Variants in UTP25 observed in about 807,000 individuals in gnomAD.
UTP25 encodes UTP25 small subunit processome component, also known as U3 small nucleolar RNA-associated protein 25 homolog.
A neutral mutation model predicts 78.9 loss-of-function variants in UTP25; 50 were observed. The observed-to-expected ratio is 0.63, with a 90% confidence interval of 0.50 to 0.80. UTP25 has a LOEUF of 0.80. Ranked by LOEUF, UTP25 falls within the 30% of genes least tolerant of loss-of-function variation. UTP25 has a pLI of 0.00. For missense variants in UTP25, 846 were observed against 911.3 expected (o/e 0.93, Z 0.92); for synonymous variants, 329 against 336.5 (o/e 0.98, Z 0.24).
rs747491039 is a variant in UTP25, at chr1:209,837,132, A to G, written c.983A>G (p.Asn328Ser). The stretch of plus-strand genomic sequence containing the variant: ...AAAGCCAATGCCCAGGTGCTTGGCA[A>G]CAATAGCAGACGCCGAAGCCAGAAG... Reference protein sequence around the residue: ...ILKANAQVLGNNSRRRSQKFG... With the variant: ...ILKANAQVLGSNSRRRSQKFG... Residue 328 changes from asparagine to serine, a missense_variant, in exon 6 of 12, where the codon AAC (asparagine) becomes AGC (serine). Asn to Ser is a conservative substitution (Grantham distance 46). Coordinates refer to ENST00000491415, the MANE Select transcript of UTP25 (RefSeq NM_014388.7). 8.1e-6 allele frequency: 13 copies of G among 1,614,166 alleles called. No homozygotes were observed. Among genetic ancestry groups the G allele is most frequent in the Non-Finnish European group, 1.1e-5 (13 of 1,180,012 alleles).
chr1:209,851,284 T>G lies in UTP25; in HGVS notation c.2108T>G (p.Met703Arg). 1 of 1,614,224 alleles carries G rather than the reference T, an allele frequency of 6.2e-7. No individual in the cohort carries two copies. Among genetic ancestry groups the G allele is most frequent in the Non-Finnish European group, 8.5e-7 (1 of 1,180,032 alleles). ...YPHFYSEICN[M>R]LRATNRGEEA... ...CACTTTTACAGTGAAATCTGTAATA[T>G]GCTGAGAGCCACCAACAGAGGAGAA... is the stretch of plus-strand genomic sequence containing the variant. The change falls in exon 12 of 12, where the codon ATG becomes AGG. Residue 703 changes from methionine (M) to arginine (R), a missense_variant. Physicochemically the swap from Met to Arg is moderately conservative, Grantham distance 91. Coordinates refer to ENST00000491415, the MANE Select transcript of UTP25 (RefSeq NM_014388.7).
intron 11 of UTP25, among the ~76,000 whole-genome samples, chr1:209,849,281 T>C (rs2078216229): frequency 6.6e-6 from 1 of 152,130 alleles, no homozygotes; most frequent in Admixed American, 6.5e-5. Context: ...TGTGGTGAAG[T>C]GTATACAGCT....
intron 10 of UTP25, 155 bp downstream of exon 10, chr1:209,842,850 A>G: frequency 1.6e-6 from 1 of 626,472 alleles, no homozygotes; most frequent in South Asian, 1.9e-5. Context: ...AGAGGAGGAA[A>G]CTGAAGCACA....
intron 6 of UTP25, among the ~76,000 whole-genome samples, chr1:209,837,733 T>C (rs544688347): frequency 6.6e-6 from 1 of 152,358 alleles, no homozygotes; most frequent in Non-Finnish European, 1.5e-5. Context: ...TGTAAAGTTA[T>C]TGCTGCTTAA....
chr1:209,832,575 A>G (rs1398090577), intron 3 of UTP25, among the ~76,000 whole-genome samples: 2 of 152,246 alleles, frequency 1.3e-5, no homozygotes, highest in Non-Finnish European at 2.9e-5. Context: ...CCAGAGAAAC[A>G]GAACCGGTAG....
intron 11 of UTP25, among the ~76,000 whole-genome samples, chr1:209,847,285 T>G (rs1344336740): frequency 6.6e-6 from 1 of 152,234 alleles, no homozygotes; most frequent in African/African-American, 2.4e-5. Flanking sequence ...GTTAAGAGAC[T>G]AACAATAAAC....
rs2078265045 is a variant in UTP25 at position 209,854,989 on chromosome 1, A to AG, written c.*3543dup. The AG allele has an allele frequency of 6.6e-6, 1 of 152,216 alleles. No homozygotes were observed. Among genetic ancestry groups the AG allele is most frequent in the Non-Finnish European group, 1.5e-5 (1 of 68,040 alleles). The allele number at this position is 152,216 out of a possible 1,614,324, so 9.4% of individuals were successfully genotyped here. On this transcript the variant is annotated 3_prime_UTR_variant, in exon 12 of 12. Transcript: ENST00000491415. Reference sequence around the variant, plus strand: ...TTTCTACTCCACACTTATTTTAAAAAGCTTTTCTGAAAGCCTGGCTACATA... The same window carrying AG: ...TTTCTACTCCACACTTATTTTAAAAAGGCTTTTCTGAAAGCCTGGCTACATA...
rs201815852 is a variant in UTP25, at chr1:209,837,218, C to T, written c.1062+7C>T. 5 of 1,609,224 alleles carry T rather than the reference C, an allele frequency of 3.1e-6. No individual in the cohort carries two copies. The highest frequency in any genetic ancestry group is 1.7e-4 in the Middle Eastern group (1 of 5,952). ...AGGGTTAACAAGGCCCAAGGTGAGT[C>T]CAGCAGGAAAGCTTTGCTCTCGAGG... On this transcript the variant is annotated splice_region_variant and intron_variant, in intron 6 of 11. Transcript: ENST00000491415.
intron 11 of UTP25, among the ~76,000 whole-genome samples, chr1:209,846,512 C>T (rs2078197528): frequency 6.6e-6 from 1 of 152,142 alleles, no homozygotes; most frequent in African/African-American, 2.4e-5. Context: ...ACAGGAGAAT[C>T]CCAGTTCTAG....
chr1:209,837,319 TAATG>T, intron 6 of UTP25, 108 bp downstream of exon 6: 3 of 1,299,964 alleles, frequency 2.3e-6, no homozygotes, highest in Non-Finnish European at 3.1e-6. Context: ...TTGACTGGCA[TAATG>T]AATGAGCCCA....
chr1:209,848,155 AT>A lies in UTP25; in HGVS notation c.2028-3047del, dbSNP rs2078209031. 4.6e-5 allele frequency among the ~76,000 whole-genome samples: 7 copies of A among 152,354 alleles called. No homozygotes were observed. The South Asian group carries it at 1.4e-3, about 32-fold the overall frequency. On this transcript the variant is annotated intron_variant, in intron 11 of 11. Coordinates refer to ENST00000491415, the MANE Select transcript of UTP25 (RefSeq NM_014388.7). ...TCTGGGATGGGGACCAAACCTAAGTATTAATAAAAAAAATAAAAAAACAACC... is the reference window on the plus strand; with the variant it reads ...TCTGGGATGGGGACCAAACCTAAGTATAATAAAAAAAATAAAAAAACAACC...
In UTP25 at chr1:209,827,982, A is replaced by G; in HGVS notation, c.-82A>G. On this transcript the variant is annotated 5_prime_UTR_variant, in exon 1 of 12. Coordinates refer to ENST00000491415, the MANE Select transcript of UTP25 (RefSeq NM_014388.7). The stretch of plus-strand genomic sequence containing the variant: ...CTTTCGCCGTAAAGCGCAGTCAGCG[A>G]GCCCACGTGCTTGTGTTGACTGGAC... 9.4e-7 allele frequency: 1 copy of G among 1,066,566 alleles called. No homozygotes were observed. The highest frequency in any genetic ancestry group is 1.5e-6 in the Non-Finnish European group (1 of 682,872). The allele number at this position is 1,066,566 out of a possible 1,614,324, so 66.1% of individuals were successfully genotyped here.
Position 209,832,703 on chromosome 1 carries a change from C to T in UTP25, c.389-482C>T, listed in dbSNP as rs182345397. Reference sequence around the variant, plus strand: ...TTTGAGACCAGCCTGGCCAACATGGCGAAACCCCATCTCTACAGAAAAATA... The same window carrying T: ...TTTGAGACCAGCCTGGCCAACATGGTGAAACCCCATCTCTACAGAAAAATA... On this transcript the variant is annotated intron_variant, in intron 3 of 11. Transcript: ENST00000491415. Among the ~76,000 whole-genome samples the T allele has an allele frequency of 2.1e-4, 32 of 152,156 alleles. No individual in the cohort carries two copies. The East Asian group carries it at 5.4e-3, about 26-fold the overall frequency.
At chr1:209,843,800 C>A in intron 11 of UTP25, 104 bp downstream of exon 11, 1 of 1,433,546 alleles carries the variant, frequency 7.0e-7, no homozygotes, top group Non-Finnish European at 9.4e-7. Context: ...TGAGATCATC[C>A]CTCACTCTCG....
At position 209,851,218 on chromosome 1, in the gene UTP25, G is replaced by A. The variant is rs1029018334; in HGVS notation, c.2042G>A (p.Gly681Asp). 2 of 1,613,078 alleles carry A rather than the reference G, an allele frequency of 1.2e-6. No individual in the cohort carries two copies. The highest frequency in any genetic ancestry group is 1.3e-5 in the African/African-American group (1 of 74,930). The change falls in exon 12 of 12, where the codon GGC (glycine) becomes GAC (aspartate). Residue 681 changes from glycine to aspartate, a missense_variant. By Grantham distance (94) the Gly-to-Asp change is moderately conservative. Coordinates refer to ENST00000491415, the MANE Select transcript of UTP25 (RefSeq NM_014388.7). ...AATTCTGACAGGTATACAATAAAAG[G>A]CATCAGGAACCTGATTTTCTATGAA... ...FHFYKRYTIKGIRNLIFYELP... is the reference protein window; with the variant it reads ...FHFYKRYTIKDIRNLIFYELP...
At chr1:209,843,921 C>T in intron 11 of UTP25, 1 of 577,734 alleles carries the variant, frequency 1.7e-6, no homozygotes. Context: ...GAAACCAAAG[C>T]ATACCCTGTC....
Position 209,841,000 on chromosome 1 carries a change from T to G in UTP25, c.1430T>G (p.Leu477Arg). Residue 477 changes from leucine to arginine, a missense_variant, in exon 8 of 12, where the codon CTT becomes CGT. Physicochemically the swap from Leu to Arg is moderately radical, Grantham distance 102. Coordinates refer to ENST00000491415, the MANE Select transcript of UTP25 (RefSeq NM_014388.7). ...RDFDFLSSIE[L>R]LIIDQADIYL... ...TTTGACTTTCTGTCTTCTATCGAGC[T>G]TCTCATCATTGATCAAGCTGACATT... 4 of 1,614,080 alleles carry G rather than the reference T, an allele frequency of 2.5e-6. No individual in the cohort carries two copies. The highest frequency in any genetic ancestry group is 3.4e-6 in the Non-Finnish European group (4 of 1,179,948).
In UTP25 at chr1:209,853,370, T is replaced by TG. The variant is rs1245173409; in HGVS notation, c.*1923_*1924insG. 2 of 152,134 alleles carry TG rather than the reference T, an allele frequency of 1.3e-5. No homozygotes were observed. The highest frequency in any genetic ancestry group is 4.8e-5 in the African/African-American group (2 of 41,400). 9.4% of individuals were successfully genotyped at this position (152,134 alleles called of 1,614,324 possible). A position where few individuals can be genotyped will look rare whatever the true frequency, so the allele number is the denominator to read the frequency against. ...GTAATTACCTGGATCTTTTTTTTTT[T>TG]TTTTGAGATGGAGTCTCGCTCTGTT... is the stretch of plus-strand genomic sequence containing the variant. On this transcript the variant is annotated 3_prime_UTR_variant, in exon 12 of 12. Coordinates refer to ENST00000491415, the MANE Select transcript of UTP25 (RefSeq NM_014388.7).
intron 6 of UTP25, 198 bp from the exon 7 acceptor site, chr1:209,838,711 A>G (rs2078148627): frequency 1.1e-5 from 7 of 626,158 alleles, no homozygotes; most frequent in Admixed American, 5.4e-5. Flanking sequence ...TCCGCAGGTC[A>G]TGGTGCTGGG....
Sources: allele counts gnomAD v4.1 joint callset (sites outside exome capture counted in the v4.1 genomes callset), GRCh38; gene constraint gnomAD v4.1.1; transcripts MANE v1.5; gene names NCBI Gene and HGNC (gene_info 2026-07-23, HGNC 2026-07-21).